ABCA1: variants seen among roughly 807,000 people sequenced by gnomAD.
ABCA1 encodes the protein phospholipid-transporting ATPase ABCA1.
A neutral mutation model predicts 262.5 loss-of-function variants in ABCA1; 133 were observed. The ratio of observed to expected loss-of-function variants is 0.51; its 90% CI spans 0.44 to 0.59. ABCA1 has a LOEUF of 0.59. ABCA1 is among the 20% of genes least tolerant of loss of function. ABCA1 has a pLI of 0.00. For missense variants in ABCA1, 2,452 were observed against 2,777.5 expected (o/e 0.88, Z 2.63); for synonymous variants, 1,022 against 1,043.5 (o/e 0.98, Z 0.40).
rs1829594412 is a variant in ABCA1, at chr9:104,793,327, T to C, written c.5507-27A>G. ...TAGTAGACACAATGCAGAGATCCGG[T>C]CAGAATGGAGGGATCAAAAACCATG... On this transcript the variant is annotated intron_variant, in intron 40 of 49. Coordinates refer to ENST00000374736, the MANE Select transcript of ABCA1 (RefSeq NM_005502.4). 1.9e-6 allele frequency: 3 copies of C among 1,613,896 alleles called. No individual in the cohort carries two copies. In the African/African-American group the frequency reaches 4.0e-5, roughly 22 times the overall value.
chr9:104,922,335 T>C (rs994509997), intron 1 of ABCA1, among the ~76,000 whole-genome samples: 2 of 152,212 alleles, frequency 1.3e-5, no homozygotes, highest in African/African-American at 4.8e-5. Flanking sequence ...AAATAGAGAA[T>C]CCCTTTTGGC....
intron 3 of ABCA1, 41 bp downstream of exon 3, chr9:104,889,061 C>T (rs747402943): frequency 6.4e-7 from 1 of 1,564,680 alleles, no homozygotes; most frequent in African/African-American, 1.4e-5. Flanking sequence ...TGGATTTTCC[C>T]TGCCATTGGT....
At chr9:104,806,208 C>G (rs774263034) in intron 31 of ABCA1, 33 bp downstream of exon 31, 5 of 1,608,518 alleles carry the variant, frequency 3.1e-6, no homozygotes, top group East Asian at 2.2e-5. Context: ...TCCTGCACCC[C>G]TTCTGCCCAA....
At chr9:104,824,817 G>A (rs1832681079) in intron 17 of ABCA1, among the ~76,000 whole-genome samples, 2 of 152,332 alleles carry the variant, frequency 1.3e-5, no homozygotes, top group Admixed American at 6.5e-5. Flanking sequence ...TAGAGATGAG[G>A]AAACTGAGGG....
intron 8 of ABCA1, among the ~76,000 whole-genome samples, chr9:104,843,119 T>C (rs972182377): frequency 6.6e-6 from 1 of 152,200 alleles, no homozygotes; most frequent in Non-Finnish European, 1.5e-5. Context: ...CACCTTCTCA[T>C]GCTCTATGCC....
chr9:104,893,651 C>T (rs1588530229), intron 2 of ABCA1, among the ~76,000 whole-genome samples: 1 of 152,044 alleles, frequency 6.6e-6, no homozygotes, highest in East Asian at 1.9e-4. Context: ...TCAGGACAAC[C>T]CTGTGAGATA....
intron 8 of ABCA1, among the ~76,000 whole-genome samples, chr9:104,842,280 C>T (rs1032561800): frequency 1.6e-4 from 25 of 152,118 alleles, no homozygotes; most frequent in African/African-American, 5.6e-4. Flanking sequence ...ATAACCTGTA[C>T]GAGGCATACA....
Position 104,819,627 on chromosome 9 carries a change from G to T in ABCA1, c.3200C>A (p.Ser1067Tyr). 1 of 1,614,198 alleles carries T rather than the reference G, an allele frequency of 6.2e-7. No individual in the cohort carries two copies. The highest frequency in any genetic ancestry group is 8.5e-7 in the Non-Finnish European group (1 of 1,180,044). The change falls in exon 22 of 50, where the codon TCC becomes TAC. Residue 1067 changes from serine to tyrosine, a missense_variant. Physicochemically the swap from Ser to Tyr is moderately radical, Grantham distance 144. This residue lies in a region of ABCA1 where 665 missense variants were observed against 727.3 expected (regional missense o/e 0.91). Transcript: ENST00000374736. ...DEPTAGVDPYSRRGIWELLLK... is the reference protein window; with the variant it reads ...DEPTAGVDPYYRRGIWELLLK... ...CAGCAGCTCCCATATTCCCCTGCGGGAGTAAGGGTCCACACCAGCTGTGGG... is the reference window on the plus strand; with the variant it reads ...CAGCAGCTCCCATATTCCCCTGCGGTAGTAAGGGTCCACACCAGCTGTGGG...
intron 5 of ABCA1, among the ~76,000 whole-genome samples, chr9:104,863,956 G>A (rs1298047701): frequency 6.6e-6 from 1 of 152,360 alleles, no homozygotes; most frequent in Admixed American, 6.5e-5. Context: ...GAAATAGTGG[G>A]TCTAGAGTGC....
intron 5 of ABCA1, among the ~76,000 whole-genome samples, chr9:104,881,779 TC>T (rs1838676630): frequency 6.6e-6 from 1 of 152,026 alleles, no homozygotes; most frequent in Non-Finnish European, 1.5e-5. Flanking sequence ...CCTTTCTGTC[TC>T]CTGCACCAGA....
intron 2 of ABCA1, among the ~76,000 whole-genome samples, chr9:104,899,272 A>C (rs1363878294): frequency 6.6e-6 from 1 of 152,212 alleles, no homozygotes; most frequent in Non-Finnish European, 1.5e-5. Flanking sequence ...GAAATGTGTC[A>C]GGTGAAACTA....
intron 3 of ABCA1, 104 bp downstream of exon 3, chr9:104,888,998 T>A (rs1839464647): frequency 9.7e-7 from 1 of 1,026,496 alleles, no homozygotes; most frequent in Admixed American, 1.7e-5. Flanking sequence ...ATGTGTGATG[T>A]TTCCCAAAGA....
At chr9:104,872,043 A>T (rs1390850095) in intron 5 of ABCA1, among the ~76,000 whole-genome samples, 1 of 152,132 alleles carries the variant, frequency 6.6e-6, no homozygotes, top group Non-Finnish European at 1.5e-5. Context: ...AAATAGTTTA[A>T]TTTTTTTCTA....
At chr9:104,877,696 A>C (rs971482625) in intron 5 of ABCA1, among the ~76,000 whole-genome samples, 2 of 152,234 alleles carry the variant, frequency 1.3e-5, no homozygotes, top group Non-Finnish European at 2.9e-5. Context: ...CATCTAATTT[A>C]ATGCTCAGTG....
rs1302386216 is a variant in ABCA1 at position 104,782,057 on chromosome 9, T to C, written c.*2258A>G. 10 of 152,152 alleles carry C rather than the reference T, an allele frequency of 6.6e-5. No homozygotes were observed. 9.4% of individuals were successfully genotyped at this position (152,152 alleles called of 1,614,324 possible). A position where few individuals can be genotyped will look rare whatever the true frequency, so the allele number is the denominator to read the frequency against. On this transcript the variant is annotated 3_prime_UTR_variant, in exon 50 of 50. Coordinates refer to ENST00000374736, the MANE Select transcript of ABCA1 (RefSeq NM_005502.4). ...CCTTTTGATTTTTTAAAATATGGCC[T>C]TGAAATCAGAGGAACCGAAGTAAGG...
At chr9:104,795,325 A>G (rs1273054150) in intron 39 of ABCA1, among the ~76,000 whole-genome samples, 1 of 152,196 alleles carries the variant, frequency 6.6e-6, no homozygotes, top group Non-Finnish European at 1.5e-5. Context: ...AGAGTTGTGC[A>G]ACTGTAAAAG....
chr9:104,806,239 A>T lies in ABCA1; in HGVS notation c.4464+2T>A, dbSNP rs1297624106. 6.2e-7 allele frequency: 1 copy of T among 1,612,620 alleles called. No individual in the cohort carries two copies. The highest frequency in any genetic ancestry group is 1.1e-5 in the South Asian group (1 of 90,996). On this transcript the variant is annotated splice_donor_variant, in intron 31 of 49. Transcript: ENST00000374736. LOFTEE classifies it high-confidence loss of function. ...CCCAATCACCCCCTGAAAGTGACTCACTTGTGGAGGAGGCAGCCCCCCTGC... is the reference window on the plus strand; with the variant it reads ...CCCAATCACCCCCTGAAAGTGACTCTCTTGTGGAGGAGGCAGCCCCCCTGC...
chr9:104,795,451 T>C (rs1296975826), intron 39 of ABCA1, among the ~76,000 whole-genome samples: 1 of 152,180 alleles, frequency 6.6e-6, no homozygotes, highest in Admixed American at 6.5e-5. Context: ...GTGGGAAATC[T>C]GCAACAGCAA....
chr9:104,863,335 C>T (rs1836799347), intron 5 of ABCA1, among the ~76,000 whole-genome samples: 1 of 152,216 alleles, frequency 6.6e-6, no homozygotes, highest in Non-Finnish European at 1.5e-5. Flanking sequence ...TCCTAACAGC[C>T]TAACTTCTTT....
Sources: gnomAD v4.1 joint callset for allele counts (sites outside exome capture counted in the v4.1 genomes callset) on GRCh38, gnomAD v4.1.1 for gene constraint, gnomAD v4.1.1 regional missense constraint, MANE v1.5 for transcripts, NCBI Gene and HGNC (gene_info 2026-07-23, HGNC 2026-07-21) for gene names.